Variants in FUBP3 observed in about 807,000 individuals in gnomAD.
FUBP3 encodes far upstream element-binding protein 3.
A neutral mutation model predicts 85.6 loss-of-function variants in FUBP3; 28 were observed. That is an observed-to-expected ratio of 0.33 (90% CI 0.24 to 0.45). The LOEUF (loss-of-function observed/expected upper bound fraction) is 0.45, where lower values mean the gene tolerates loss of function less well. FUBP3 is among the 20% of genes least tolerant of loss of function. FUBP3 has a pLI of 1.00. For synonymous variants in FUBP3, 271 were observed against 271.4 expected, an observed-to-expected ratio of 1.00 and a Z score of 0.01; for missense variants, 583 against 755.1, an observed-to-expected ratio of 0.77 and a Z score of 2.67.
At chr9:130,608,562 T>A (rs747671746) in intron 2 of FUBP3, among the ~76,000 whole-genome samples, 3 of 152,184 alleles carry the variant, frequency 2.0e-5, no homozygotes, top group Non-Finnish European at 2.9e-5. Context: ...TCATGCAGAA[T>A]GGGAGTTGTG....
At position 130,616,611 on chromosome 9, in the gene FUBP3, G is replaced by T. The variant is rs1452467407; in HGVS notation, c.567+94G>T. On this transcript the variant is annotated intron_variant, in intron 7 of 18. Coordinates refer to ENST00000319725, the MANE Select transcript of FUBP3 (RefSeq NM_003934.2). The surrounding 1 kb of genome is among the most constrained non-coding windows in gnomAD (Gnocchi z 4.7). Reference sequence around the variant, plus strand: ...ATCTGCTTACGGCTGGCATTCCCTGGCTGGGCTGGCTTTGTGCAGCATTGT... The same window carrying T: ...ATCTGCTTACGGCTGGCATTCCCTGTCTGGGCTGGCTTTGTGCAGCATTGT... 8.2e-7 allele frequency: 1 copy of T among 1,217,440 alleles called. No individual in the cohort carries two copies. Among genetic ancestry groups the T allele is most frequent in the African/African-American group, 1.5e-5 (1 of 67,622 alleles). 75.4% of individuals were successfully genotyped at this position (1,217,440 alleles called of 1,614,324 possible).
intron 2 of FUBP3, among the ~76,000 whole-genome samples, chr9:130,602,699 G>T (rs1454048966): frequency 6.6e-6 from 1 of 152,206 alleles, no homozygotes; most frequent in Non-Finnish European, 1.5e-5. Flanking sequence ...GGGGTTAGGA[G>T]GAAGGTTTGC....
At chr9:130,618,408 A>G (rs891744698) in intron 8 of FUBP3, among the ~76,000 whole-genome samples, 5 of 152,356 alleles carry the variant, frequency 3.3e-5, no homozygotes, top group East Asian at 1.9e-4. Context: ...AGGTGAGCAC[A>G]GGGTGAGCAC....
Position 130,631,582 on chromosome 9 carries a change from C to T in FUBP3, c.1304C>T (p.Ala435Val). The T allele has an allele frequency of 2.5e-6, 4 of 1,613,958 alleles. No individual in the cohort carries two copies. The highest frequency in any genetic ancestry group is 3.4e-6 in the Non-Finnish European group (4 of 1,179,818). Residue 435 changes from alanine (A) to valine (V), a missense_variant, in exon 14 of 19, where the codon GCC becomes GTC. This residue lies in a region of FUBP3 where 404 missense variants were observed against 516.8 expected (regional missense o/e 0.78). Coordinates refer to ENST00000319725, the MANE Select transcript of FUBP3 (RefSeq NM_003934.2). The part of the protein sequence containing the change: ...VGGTNLGAPG[A>V]FGQSPFSQPP... ...GGGACCAATCTCGGAGCACCTGGAG[C>T]CTTCGGACAGAGTCCATTCAGCCAG...
rs920119347 is a variant in FUBP3, at chr9:130,616,595, C to T, written c.567+78C>T. 1.1e-5 allele frequency: 15 copies of T among 1,372,366 alleles called. No individual in the cohort carries two copies. The highest frequency in any genetic ancestry group is 8.5e-5 in the African/African-American group (6 of 70,434). The allele number at this position is 1,372,366 out of a possible 1,614,324, so 85.0% of individuals were successfully genotyped here. A position where few individuals can be genotyped will look rare whatever the true frequency, so the allele number is the denominator to read the frequency against. ...CTTCCTGGCCCAGGAGATCTGCTTA[C>T]GGCTGGCATTCCCTGGCTGGGCTGG... On this transcript the variant is annotated intron_variant, in intron 7 of 18. Coordinates refer to ENST00000319725, the MANE Select transcript of FUBP3 (RefSeq NM_003934.2). The surrounding 1 kb of genome is among the most constrained non-coding windows in gnomAD (Gnocchi z 4.7).
intron 12 of FUBP3, among the ~76,000 whole-genome samples, chr9:130,629,646 C>T (rs1002056746): frequency 2.0e-5 from 3 of 152,154 alleles, no homozygotes; most frequent in African/African-American, 7.2e-5. Flanking sequence ...TGGTGAGGTG[C>T]CACATGGCAT....
chr9:130,606,549 G>A (rs113186118), intron 2 of FUBP3, among the ~76,000 whole-genome samples: 123 of 152,102 alleles, frequency 8.1e-4, no homozygotes, highest in East Asian at 1.4e-3. Context: ...GGCCGGGCGC[G>A]GTGGCTCACG....
chr9:130,626,442 G>C lies in FUBP3; in HGVS notation c.1054G>C (p.Gly352Arg), dbSNP rs1224768467. ...TGGCGACTGGAGCGTGGGAGCCCCT[G>C]GTGGCGTCCAGGAGATAACATACAC... Reference protein sequence around the residue: ...GRGDWSVGAPGGVQEITYTVP... With the variant: ...GRGDWSVGAPRGVQEITYTVP... The change falls in exon 12 of 19, where the codon GGT (glycine) becomes CGT (arginine). Residue 352 changes from glycine to arginine, a missense_variant. Gly to Arg is a moderately radical substitution (Grantham distance 125). Around this residue, in one of 3 missense-constraint regions of FUBP3, gnomAD observed 404 missense variants for 516.8 expected, o/e 0.78. Transcript: ENST00000319725. 1.2e-6 allele frequency: 2 copies of C among 1,614,042 alleles called. No homozygotes were observed. The highest frequency in any genetic ancestry group is 1.7e-6 in the Non-Finnish European group (2 of 1,180,030).
intron 2 of FUBP3, among the ~76,000 whole-genome samples, chr9:130,606,256 G>A (rs1201336845): frequency 6.6e-6 from 1 of 152,156 alleles, no homozygotes; most frequent in Non-Finnish European, 1.5e-5. Context: ...GGTGTGGAAA[G>A]CCATTGGTCA....
At chr9:130,615,819 A>G (rs1588146049) in intron 6 of FUBP3, among the ~76,000 whole-genome samples, 1 of 147,718 alleles carries the variant, frequency 6.8e-6, no homozygotes, top group African/African-American at 2.5e-5. Context: ...TTAGCTTAAA[A>G]GTCATAGAGC....
chr9:130,594,052 G>A lies in FUBP3; in HGVS notation c.85-1431G>A, dbSNP rs144857903. Among the ~76,000 whole-genome samples the A allele has an allele frequency of 1.4e-4, 21 of 152,254 alleles. 1 individual carries two copies. The highest frequency in any genetic ancestry group is 4.6e-4 in the African/African-American group (19 of 41,554). ...AGATTGTCTGGACACTTCCAGTAAA[G>A]ACAAGCTTATGTTACATCTCTTTAG... On this transcript the variant is annotated intron_variant, in intron 1 of 18. Coordinates refer to ENST00000319725, the MANE Select transcript of FUBP3 (RefSeq NM_003934.2).
intron 1 of FUBP3, chr9:130,581,931 T>C (rs1830148695): frequency 6.6e-6 from 1 of 152,214 alleles, no homozygotes; most frequent in Admixed American, 6.5e-5. Flanking sequence ...CAACACCTTA[T>C]CAACTAGGCT....
intron 11 of FUBP3, among the ~76,000 whole-genome samples, chr9:130,626,080 C>T (rs1829959706): frequency 6.6e-6 from 1 of 152,314 alleles, no homozygotes; most frequent in South Asian, 2.1e-4. Flanking sequence ...AGAAAGGCCG[C>T]TGGGCTTCAG....
rs1002815852 is a variant in FUBP3, at chr9:130,616,090, C to A, written c.405-265C>A. ...AGGAGACGACACCTTTGTGGAGACACAAGCATGAGCAGAGGGCAGGCTTGA... is the reference window on the plus strand; with the variant it reads ...AGGAGACGACACCTTTGTGGAGACAAAAGCATGAGCAGAGGGCAGGCTTGA... On this transcript the variant is annotated intron_variant, in intron 6 of 18. Coordinates refer to ENST00000319725, the MANE Select transcript of FUBP3 (RefSeq NM_003934.2). The surrounding 1 kb of genome is among the most constrained non-coding windows in gnomAD (Gnocchi z 4.7). Among the ~76,000 whole-genome samples, 2 of 152,110 alleles carry A rather than the reference C, an allele frequency of 1.3e-5. No homozygotes were observed. The highest frequency in any genetic ancestry group is 3.9e-4 in the East Asian group (2 of 5,182).
intron 2 of FUBP3, among the ~76,000 whole-genome samples, chr9:130,604,790 C>T (rs534393731): frequency 2.4e-4 from 37 of 151,856 alleles, no homozygotes; most frequent in African/African-American, 8.4e-4. Flanking sequence ...CCCAGCTACT[C>T]GGGAGGCTGA....
intron 5 of FUBP3, 80 bp from the exon 6 acceptor site, chr9:130,614,208 C>A: frequency 1.2e-6 from 1 of 855,416 alleles, no homozygotes. Flanking sequence ...TAGGAAGCAG[C>A]CCTAGAGAGC....
At chr9:130,631,329 TGTG>T (rs891222148) in intron 13 of FUBP3, 203 of 1,400,308 alleles carry the variant, frequency 1.4e-4, no homozygotes, top group Admixed American at 4.6e-4. Flanking sequence ...CCAGGGCAGT[TGTG>T]GTGGTGCCAG....
At chr9:130,580,760 C>T (rs938011754) in intron 1 of FUBP3, 1 of 152,166 alleles carries the variant, frequency 6.6e-6, no homozygotes, top group African/African-American at 2.4e-5. Context: ...GGAACCCTAC[C>T]TGTTTCCCTG....
chr9:130,599,772 G>A (rs545828802), intron 2 of FUBP3, among the ~76,000 whole-genome samples: 1 of 152,254 alleles, frequency 6.6e-6, no homozygotes, highest in Non-Finnish European at 1.5e-5. Context: ...TTTTCATCCA[G>A]TACTTCTCTC....
Sources: allele counts gnomAD v4.1 joint callset (sites outside exome capture counted in the v4.1 genomes callset), GRCh38; gene constraint gnomAD v4.1.1; regional missense constraint gnomAD v4.1.1; non-coding constraint Gnocchi (gnomAD v3.1); transcripts MANE v1.5; gene names NCBI Gene and HGNC (gene_info 2026-07-23, HGNC 2026-07-21).